The following PCDHA1 variants were observed in gnomAD, a reference collection of about 807,000 sequenced individuals.
PCDHA1 encodes protocadherin alpha 1.
A neutral mutation model predicts 61.3 loss-of-function variants in PCDHA1; 42 were observed. The ratio of observed to expected loss-of-function variants is 0.69; its 90% CI spans 0.54 to 0.89. PCDHA1 has a LOEUF of 0.89. Ranked by LOEUF, PCDHA1 falls within the 40% of genes least tolerant of loss-of-function variation. PCDHA1 has a pLI of 0.00. For synonymous variants in PCDHA1, 610 were observed against 553.8 expected, an observed-to-expected ratio of 1.10 and a Z score of -1.43; for missense variants, 1,256 against 1,235.3, an observed-to-expected ratio of 1.02 and a Z score of -0.25.
At chr5:140,823,092 C>T (rs2150122177) in intron 1 of PCDHA1, 5 of 1,614,024 alleles carry the variant, frequency 3.1e-6, no homozygotes, top group East Asian at 2.2e-5. Context: ...CCACCGCCAG[C>T]GTGTCTGTGG....
intron 1 of PCDHA1, among the ~76,000 whole-genome samples, chr5:140,909,351 T>C (rs2153508982): frequency 6.6e-6 from 1 of 152,238 alleles, no homozygotes; most frequent in African/African-American, 2.4e-5. Context: ...TACCAAGAGA[T>C]GTGTTAATTT....
chr5:140,917,324 C>CGGGGGGG (rs1299895515), intron 1 of PCDHA1, among the ~76,000 whole-genome samples: 2 of 76,152 alleles, frequency 2.6e-5, no homozygotes, highest in African/African-American at 4.3e-5. Flanking sequence ...GTTCATGTGG[C>CGGGGGGG]GGGGGAGGGG....
At chr5:140,869,892 A>C in intron 1 of PCDHA1, 2 of 1,610,608 alleles carry the variant, frequency 1.2e-6, no homozygotes, top group Non-Finnish European at 1.7e-6. Context: ...TTGTGCTCAA[A>C]CTAAACGCCA....
At chr5:140,829,045 C>T in intron 1 of PCDHA1, 1 of 1,612,830 alleles carries the variant, frequency 6.2e-7, no homozygotes, top group South Asian at 1.1e-5. Flanking sequence ...TATACAAAAT[C>T]CTCATTGACG....
intron 1 of PCDHA1, among the ~76,000 whole-genome samples, chr5:140,922,302 A>G (rs2080767601): frequency 6.6e-6 from 1 of 152,222 alleles, no homozygotes; most frequent in African/African-American, 2.4e-5. Flanking sequence ...AGGAGAGGAT[A>G]CCTTTCACTG....
intron 1 of PCDHA1, chr5:140,824,296 G>T: frequency 4.5e-6 from 4 of 897,790 alleles, no homozygotes; most frequent in Non-Finnish European, 5.3e-6. Context: ...AGGCTTTTCT[G>T]CTGGGGTAAT....
intron 1 of PCDHA1, chr5:140,830,289 C>T (rs1554132712): frequency 1.2e-6 from 2 of 1,613,858 alleles, no homozygotes; most frequent in Non-Finnish European, 1.7e-6. Flanking sequence ...GGCGCGTGCA[C>T]GGCGGACAAG....
intron 3 of PCDHA1, among the ~76,000 whole-genome samples, chr5:140,997,288 T>C (rs1554255825): frequency 1.3e-5 from 2 of 152,222 alleles, no homozygotes; most frequent in African/African-American, 4.8e-5. Context: ...CACTTAACAA[T>C]GGGGATACAC....
chr5:140,871,082 C>T, intron 1 of PCDHA1: 1 of 1,613,246 alleles, frequency 6.2e-7, no homozygotes, highest in Non-Finnish European at 8.5e-7. Context: ...GCGCTGACGG[C>T]CACGGCCACC....
chr5:140,992,393 A>C (rs2097508684), intron 3 of PCDHA1, among the ~76,000 whole-genome samples: 1 of 152,180 alleles, frequency 6.6e-6, no homozygotes, highest in South Asian at 2.1e-4. Context: ...TTCTGGACTT[A>C]GAGATATTGT....
rs185992249 is a variant in PCDHA1 at position 140,825,788 on chromosome 5, G to A, written c.2394+37104G>A. 348 of 152,420 alleles carry A rather than the reference G, an allele frequency of 2.3e-3. 1 individual carries two copies. The highest frequency in any genetic ancestry group is 4.4e-3 in the Non-Finnish European group (300 of 67,998). The allele number at this position is 152,420 out of a possible 1,614,324, so 9.4% of individuals were successfully genotyped here. On this transcript the variant is annotated intron_variant, in intron 1 of 3. Transcript: ENST00000504120. ...GTTGTGCAAATTCTACTATATTTTG[G>A]TTGGGAAATTTTACTGCTTGTTGTT... is the stretch of plus-strand genomic sequence containing the variant.
chr5:140,847,382 C>T (rs2150399833), intron 1 of PCDHA1: 1 of 149,622 alleles, frequency 6.7e-6, no homozygotes, highest in South Asian at 2.1e-4. Context: ...GATAAATATG[C>T]AAAAACATTA....
At chr5:140,891,402 C>T (rs2153434100) in intron 1 of PCDHA1, among the ~76,000 whole-genome samples, 1 of 151,650 alleles carries the variant, frequency 6.6e-6, no homozygotes, top group East Asian at 1.9e-4. Context: ...TATCCCTCGC[C>T]ACCCCCCACT....
chr5:140,985,792 T>G (rs1043772430), intron 3 of PCDHA1, among the ~76,000 whole-genome samples: 1 of 142,326 alleles, frequency 7.0e-6, no homozygotes. Flanking sequence ...CAGGCTGGAG[T>G]GCAGTGGCAC....
intron 1 of PCDHA1, among the ~76,000 whole-genome samples, chr5:140,956,676 G>A (rs1281224695): frequency 5.3e-5 from 8 of 152,126 alleles, no homozygotes; most frequent in Admixed American, 2.0e-4. Flanking sequence ...GAGTTAGGGA[G>A]GAGTACCTCC....
chr5:140,928,452 G>A (rs1284379241), intron 1 of PCDHA1: 1 of 1,614,008 alleles, frequency 6.2e-7, no homozygotes, highest in Non-Finnish European at 8.5e-7. Flanking sequence ...AGCTCAGGGG[G>A]TTTCATTTCC....
rs1465510521 is a variant in PCDHA1 at position 140,843,154 on chromosome 5, G to A, written c.2394+54470G>A. On this transcript the variant is annotated intron_variant, in intron 1 of 3. Coordinates refer to ENST00000504120, the MANE Select transcript of PCDHA1 (RefSeq NM_018900.4). ...ACAACGCGTGGCTTTCGTATGAGCT[G>A]CAGCCAGCTGCAAGCAGCCCTCGCA... The A allele has an allele frequency of 1.8e-5, 28 of 1,596,012 alleles. 2 individuals carry two copies. The highest frequency in any genetic ancestry group is 2.4e-5 in the Non-Finnish European group (28 of 1,165,622).
In PCDHA1 at chr5:140,869,069, A is replaced by G. The variant is rs781835431; in HGVS notation, c.2394+80385A>G. 4 of 1,572,072 alleles carry G rather than the reference A, an allele frequency of 2.5e-6. No individual in the cohort carries two copies. The East Asian group carries it at 9.0e-5, about 35-fold the overall frequency. ...CTGAAGAATCTGGTACTGTAAGTGT[A>G]AAGAAGCTTATTTTGGAAGCCAATT... On this transcript the variant is annotated intron_variant, in intron 1 of 3. Coordinates refer to ENST00000504120, the MANE Select transcript of PCDHA1 (RefSeq NM_018900.4).
Position 140,982,513 on chromosome 5 carries a change from G to A in PCDHA1, c.2492G>A (p.Gly831Asp). Residue 831 changes from glycine (G) to aspartate (D), a missense_variant, in exon 3 of 4, where the codon GGT (glycine) becomes GAT (aspartate). Transcript: ENST00000504120. ...HLEEAGILRA[G>D]PGGPDQQWPT... is the part of the protein sequence containing the mutation. ...GAGGAGGCTGGCATTCTACGGGCTGGTCCAGGAGGGCCTGATCAGCAGTGG... is the reference window on the plus strand; with the variant it reads ...GAGGAGGCTGGCATTCTACGGGCTGATCCAGGAGGGCCTGATCAGCAGTGG... The A allele has an allele frequency of 6.2e-7, 1 of 1,614,194 alleles. No individual in the cohort carries two copies. Among genetic ancestry groups the A allele is most frequent in the Non-Finnish European group, 8.5e-7 (1 of 1,180,032 alleles).
Sources: allele counts gnomAD v4.1 joint callset (sites outside exome capture counted in the v4.1 genomes callset), GRCh38; gene constraint gnomAD v4.1.1; transcripts MANE v1.5; gene names NCBI Gene and HGNC (gene_info 2026-07-23, HGNC 2026-07-21).